CEP112: variants seen among roughly 807,000 people sequenced by gnomAD.
The protein encoded by CEP112 is centrosomal protein of 112 kDa.
Under a neutral mutation model 153.0 loss-of-function variants are expected in CEP112, and 127 were observed. The observed-to-expected ratio is 0.83, with a 90% CI of 0.72 to 0.96. The LOEUF (loss-of-function observed/expected upper bound fraction) is 0.96. Ranked by LOEUF, CEP112 falls within the 40% of genes least tolerant of loss-of-function variation. The pLI, the probability that CEP112 is intolerant of heterozygous loss-of-function variation, is 0.00. For missense variants in CEP112, 1,089 were observed against 1,101.2 expected, an observed-to-expected ratio of 0.99 and a Z score of 0.16; for synonymous variants, 358 against 374.4, an observed-to-expected ratio of 0.96 and a Z score of 0.51.
chr17:65,759,548 G>A (rs760379550), intron 21 of CEP112, among the ~76,000 whole-genome samples: 1 of 152,062 alleles, frequency 6.6e-6, no homozygotes, highest in African/African-American at 2.4e-5. Context: ...AAAATAATCT[G>A]TATTTTACTT....
chr17:65,637,498 C>T (rs1045577929), intron 25 of CEP112, among the ~76,000 whole-genome samples: 3 of 152,336 alleles, frequency 2.0e-5, no homozygotes, highest in South Asian at 2.1e-4. Context: ...GTGTCTTTCT[C>T]GCTCCGTTGC....
chr17:65,927,733 T>C (rs759968967), intron 18 of CEP112, 44 bp from the exon 19 acceptor site: 10 of 1,232,366 alleles, frequency 8.1e-6, no homozygotes, highest in Non-Finnish European at 1.1e-5. Context: ...AAACAAACAA[T>C]TGTGTTCCAT....
At chr17:65,778,459 T>C (rs1041635824) in intron 21 of CEP112, among the ~76,000 whole-genome samples, 1 of 152,202 alleles carries the variant, frequency 6.6e-6, no homozygotes, top group Non-Finnish European at 1.5e-5. Flanking sequence ...GTATTTAGAG[T>C]CCTGGTAACA....
chr17:65,883,263 C>CATATATATATATATAT (rs34264279), intron 20 of CEP112, among the ~76,000 whole-genome samples: 7 of 146,822 alleles, frequency 4.8e-5, no homozygotes, highest in African/African-American at 1.5e-4. Context: ...AAGAAGTTTA[C>CATATATATATATATAT]ATATATATAT....
At chr17:65,860,979 C>T (rs576772558) in intron 20 of CEP112, among the ~76,000 whole-genome samples, 2 of 152,306 alleles carry the variant, frequency 1.3e-5, no homozygotes, top group South Asian at 2.1e-4. Flanking sequence ...CTTGAAAACA[C>T]GCTGAGTGAA....
chr17:66,015,188 C>G (rs2145562268), intron 16 of CEP112, among the ~76,000 whole-genome samples: 1 of 152,306 alleles, frequency 6.6e-6, no homozygotes, highest in African/African-American at 2.4e-5. Context: ...TCTCCCTCTC[C>G]TAGTCATTTT....
At chr17:65,921,613 T>C (rs1007280382) in intron 19 of CEP112, among the ~76,000 whole-genome samples, 47 of 152,244 alleles carry the variant, frequency 3.1e-4, no homozygotes, top group African/African-American at 1.0e-3. Flanking sequence ...TAAAAACAGG[T>C]GAAATCTGCA....
intron 17 of CEP112, among the ~76,000 whole-genome samples, chr17:65,974,063 G>C (rs572736962): frequency 1.3e-5 from 2 of 151,764 alleles, no homozygotes; most frequent in South Asian, 2.1e-4. Context: ...AGTCTAAAAG[G>C]CTTCGCTGTT....
At chr17:65,671,884 G>GA (rs1048039093) in intron 24 of CEP112, among the ~76,000 whole-genome samples, 4 of 151,952 alleles carry the variant, frequency 2.6e-5, no homozygotes, top group Non-Finnish European at 5.9e-5. Flanking sequence ...TTAAAGATAA[G>GA]AAAAAAACAA....
At chr17:65,906,241 G>A (rs1255538109) in intron 19 of CEP112, among the ~76,000 whole-genome samples, 2 of 145,972 alleles carry the variant, frequency 1.4e-5, no homozygotes, top group African/African-American at 5.2e-5. Flanking sequence ...CACAGGGAGG[G>A]GAACATCACA....
intron 24 of CEP112, among the ~76,000 whole-genome samples, chr17:65,663,776 G>T (rs911267784): frequency 1.3e-5 from 2 of 152,220 alleles, no homozygotes; most frequent in African/African-American, 4.8e-5. Flanking sequence ...CAGTTTTGGG[G>T]GGAAGCAAAA....
chr17:65,780,943 T>C (rs749883468), intron 21 of CEP112, among the ~76,000 whole-genome samples: 14 of 152,108 alleles, frequency 9.2e-5, no homozygotes, highest in Admixed American at 2.0e-4. Context: ...TTTGGTTCAA[T>C]TGGGTAAGAA....
chr17:65,812,848 C>T (rs552609076), intron 21 of CEP112, among the ~76,000 whole-genome samples: 8 of 152,142 alleles, frequency 5.3e-5, no homozygotes, highest in South Asian at 2.1e-4. Flanking sequence ...AGAAGTAACA[C>T]GTTTAAAATA....
chr17:66,139,840 T>C (rs932566248), intron 4 of CEP112, among the ~76,000 whole-genome samples: 1 of 152,160 alleles, frequency 6.6e-6, no homozygotes, highest in African/African-American at 2.4e-5. Context: ...ACTTCACTGG[T>C]GAATTCTACC....
At chr17:65,953,102 A>G (rs1305549128) in intron 18 of CEP112, among the ~76,000 whole-genome samples, 1 of 152,076 alleles carries the variant, frequency 6.6e-6, no homozygotes. Context: ...TCAAAGAGCA[A>G]AAGTTTTTAG....
At position 65,826,336 on chromosome 17, in the gene CEP112, T is replaced by G. The variant is rs78053636; in HGVS notation, c.2394+25468A>C. ...CCCATTAAGATCTCAGAAGCAGTGA[T>G]GAGAGCCCTCAGTGCAGGCTGTAGG... On this transcript the variant is annotated intron_variant, in intron 21 of 26. Transcript: ENST00000535342. 26 of 1,613,274 alleles carry G rather than the reference T, an allele frequency of 1.6e-5. No homozygotes were observed. The South Asian group carries it at 2.7e-4, about 17-fold the overall frequency.
chr17:65,886,235 A>G (rs1378392665), intron 20 of CEP112, among the ~76,000 whole-genome samples: 1 of 152,164 alleles, frequency 6.6e-6, no homozygotes, highest in Non-Finnish European at 1.5e-5. Flanking sequence ...AAAGAATGGA[A>G]ATGGGATAAT....
intron 8 of CEP112, among the ~76,000 whole-genome samples, chr17:66,090,551 C>T (rs1228680838): frequency 2.0e-5 from 3 of 151,670 alleles, no homozygotes; most frequent in East Asian, 1.9e-4. Flanking sequence ...AATAGTTGCA[C>T]GAAACATAAA....
rs1165187756 is a variant in CEP112 at position 66,028,378 on chromosome 17, G to T, written c.1531C>A (p.Gln511Lys). Residue 511 changes from glutamine (Q) to lysine (K), a missense_variant, in exon 15 of 27, where the codon CAG becomes AAG. By Grantham distance (53) the Gln-to-Lys change is moderately conservative. Coordinates refer to ENST00000535342, the MANE Select transcript of CEP112 (RefSeq NM_001199165.4). The stretch of plus-strand genomic sequence containing the variant: ...TGCTGTTTTAATTGACAGACATTCT[G>T]CTCTAATTCTTCAATCATACTAGAT... ...KASSMIEELE[Q>K]NVCQLKQQLQ... 1 of 1,595,672 alleles carries T rather than the reference G, an allele frequency of 6.3e-7. No individual in the cohort carries two copies. The highest frequency in any genetic ancestry group is 8.6e-7 in the Non-Finnish European group (1 of 1,169,418).
Sources: allele counts gnomAD v4.1 joint callset (sites outside exome capture counted in the v4.1 genomes callset), GRCh38; gene constraint gnomAD v4.1.1; transcripts MANE v1.5; gene names NCBI Gene and HGNC (gene_info 2026-07-23, HGNC 2026-07-21).